The following FN1 variants were observed in gnomAD, a reference collection of about 807,000 sequenced individuals.
The protein encoded by FN1 is fibronectin.
Under a neutral mutation model 297.3 loss-of-function variants are expected in FN1, and 106 were observed. The ratio of observed to expected loss-of-function variants is 0.36; its 90% CI spans 0.30 to 0.42. The LOEUF (loss-of-function observed/expected upper bound fraction) is 0.42, where lower values mean the gene tolerates loss of function less well. Among genes scored for constraint, FN1 ranks in the 10% least tolerant of loss-of-function variants. The pLI, the probability that FN1 is intolerant of heterozygous loss-of-function variation, is 1.00. For missense variants in FN1, 2,690 were observed against 3,124.9 expected, an observed-to-expected ratio of 0.86 and a Z score of 3.32; for synonymous variants, 1,149 against 1,152.6, an observed-to-expected ratio of 1.00 and a Z score of 0.06.
At position 215,401,223 on chromosome 2, in the gene FN1, AAAGAAAGAAAGAAAGAAAGAAAGAAAGG is replaced by A. The variant is rs2061015339; in HGVS notation, c.3254-1900_3254-1873del. 1.1e-4 allele frequency among the ~76,000 whole-genome samples: 6 copies of A among 54,516 alleles called. 1 individual carries two copies. Among genetic ancestry groups the A allele is most frequent in the African/African-American group, 3.8e-4 (5 of 13,270 alleles). The allele number at this position is 54,516 out of a possible 152,430, so 35.8% of individuals were successfully genotyped here. A position where few individuals can be genotyped will look rare whatever the true frequency, so the allele number is the denominator to read the frequency against. On this transcript the variant is annotated intron_variant, in intron 20 of 45. Coordinates refer to ENST00000354785, the MANE Select transcript of FN1 (RefSeq NM_212482.4). The stretch of plus-strand genomic sequence containing the variant: ...AAAAGAAAGAAAGAAAGAAAGAAAG[AAAGAAAGAAAGAAAGAAAGAAAGAAAGG>A]AAGAAAGAAAGGAAGGAAAGGAAAG...
At chr2:215,396,364 G>A (rs1866155) in intron 23 of FN1, among the ~76,000 whole-genome samples, 87,954 of 151,942 alleles carry the variant, frequency 0.58, 25,818 homozygotes, top group East Asian at 0.89. Context: ...GCTATAGTAC[G>A]TCATGCTGTT....
intron 5 of FN1, among the ~76,000 whole-genome samples, chr2:215,429,548 G>A (rs1050981297): frequency 6.6e-6 from 1 of 152,180 alleles, no homozygotes; most frequent in African/African-American, 2.4e-5. Flanking sequence ...ATAGAAGTTT[G>A]CATGAAGGTA....
At position 215,385,248 on chromosome 2, in the gene FN1, TAAA is replaced by T. The variant is rs10542238; in HGVS notation, c.4613-275_4613-273del. On this transcript the variant is annotated intron_variant, in intron 28 of 45. Coordinates refer to ENST00000354785, the MANE Select transcript of FN1 (RefSeq NM_212482.4). ...AAAAATTTCAAAACTACAGAAAAGT[TAAA>T]AAAAAAAAAAAAAAAAAAAGTGATA... Among the ~76,000 whole-genome samples, 1,475 of 128,076 alleles carry T rather than the reference TAAA, an allele frequency of 0.012. 14 individuals are homozygous for T. The highest frequency in any genetic ancestry group is 0.028 in the African/African-American group (941 of 33,654). The allele number at this position is 128,076 out of a possible 152,430, so 84.0% of individuals were successfully genotyped here.
Position 215,361,400 on chromosome 2 carries a change from A to AG in FN1, c.*154dup, listed in dbSNP as rs980814372. ...AGGAAACTCCCAGGGTGATGCTTGG[A>AG]GAAGCTGTGAGTTGAGCTGAAGCTG... On this transcript the variant is annotated 3_prime_UTR_variant, in exon 46 of 46. Transcript: ENST00000354785. 6.7e-6 allele frequency: 5 copies of AG among 744,328 alleles called. No individual in the cohort carries two copies. The highest frequency in any genetic ancestry group is 1.2e-5 in the Non-Finnish European group (5 of 402,230). 46.1% of individuals were successfully genotyped at this position (744,328 alleles called of 1,614,324 possible).
chr2:215,401,298 G>GAA (rs1184501466), intron 20 of FN1, among the ~76,000 whole-genome samples: 1 of 139,788 alleles, frequency 7.2e-6, no homozygotes, highest in Non-Finnish European at 1.6e-5. Context: ...AAGAGAGAGA[G>GAA]AGAAAGGAAG....
intron 6 of FN1, among the ~76,000 whole-genome samples, chr2:215,426,920 G>C (rs895211346): frequency 3.3e-5 from 5 of 151,556 alleles, no homozygotes; most frequent in African/African-American, 1.2e-4. Flanking sequence ...GTATCACCCA[G>C]GCTGGAGTGC....
chr2:215,419,839 C>A (rs548988330), intron 11 of FN1, among the ~76,000 whole-genome samples: 5 of 152,318 alleles, frequency 3.3e-5, no homozygotes, highest in African/African-American at 1.2e-4. Context: ...AGTATACCTG[C>A]TGAGCAGCTT....
intron 5 of FN1, among the ~76,000 whole-genome samples, chr2:215,430,290 C>T (rs55957506): frequency 0.014 from 2,146 of 152,270 alleles, 42 homozygotes; most frequent in African/African-American, 0.049. Context: ...GCAGTAAAGA[C>T]ACCAGAGGCC....
At chr2:215,384,209 A>G (rs1254883047) in intron 29 of FN1, 25 bp from the exon 30 acceptor site, 2 of 1,613,186 alleles carry the variant, frequency 1.2e-6, no homozygotes, top group East Asian at 2.2e-5. Flanking sequence ...GTTAGTTCAG[A>G]GTGTGAGGGG....
chr2:215,386,021 C>G (rs1470795412), intron 28 of FN1, among the ~76,000 whole-genome samples: 1 of 150,500 alleles, frequency 6.6e-6, no homozygotes, highest in Non-Finnish European at 1.5e-5. Flanking sequence ...CGTGATCCAC[C>G]CGCCTTGGCC....
At chr2:215,406,550 T>A in intron 18 of FN1, 40 bp from the exon 19 acceptor site, 1 of 1,604,828 alleles carries the variant, frequency 6.2e-7, no homozygotes, top group Non-Finnish European at 8.5e-7. Flanking sequence ...CATTCTCTGC[T>A]GAAGATTACT....
rs7575551 is a variant in FN1 at position 215,404,308 on chromosome 2, G to T, written c.3253+81C>A. ...GTACTAATTTTTTAATGTTTTTTTT[G>T]TTTTGTTTTGTTTTGTTTTAAAGCA... On this transcript the variant is annotated intron_variant, in intron 20 of 45. Transcript: ENST00000354785. The T allele has an allele frequency of 0.3, 370,019 of 1,253,792 alleles. 65,085 individuals carry two copies. The highest frequency in any genetic ancestry group is 0.92 in the East Asian group (39,553 of 43,010). The allele number at this position is 1,253,792 out of a possible 1,614,324, so 77.7% of individuals were successfully genotyped here. A position where few individuals can be genotyped will look rare whatever the true frequency, so the allele number is the denominator to read the frequency against.
chr2:215,380,631 G>T, intron 33 of FN1, 180 bp downstream of exon 33: 1 of 848,464 alleles, frequency 1.2e-6, no homozygotes, highest in Non-Finnish European at 1.9e-6. Context: ...AATCAGACTT[G>T]TTTCCTTAAA....
intron 32 of FN1, chr2:215,381,641 T>C (rs1236576420): frequency 1.9e-5 from 4 of 206,248 alleles, no homozygotes; most frequent in Non-Finnish European, 3.0e-5. Context: ...GACTGGCTAA[T>C]TTTTGTATTT....
In FN1 at chr2:215,428,180, C is replaced by G; in HGVS notation, c.844G>C (p.Gly282Arg). 4 of 1,613,996 alleles carry G rather than the reference C, an allele frequency of 2.5e-6. No homozygotes were observed. The highest frequency in any genetic ancestry group is 3.4e-6 in the Non-Finnish European group (4 of 1,180,038). The change falls in exon 6 of 46, where the codon GGA becomes CGA. Residue 282 changes from glycine (G) to arginine (R), a missense_variant and splice_region_variant. Physicochemically the swap from Gly to Arg is moderately radical, Grantham distance 125. Coordinates refer to ENST00000354785, the MANE Select transcript of FN1 (RefSeq NM_212482.4). Reference protein sequence around the residue: ...RHTSVQTTSSGSGPFTDVRAA... With the variant: ...RHTSVQTTSSRSGPFTDVRAA... ...CGCCCCTGCTCGTCCTGTGCCTCACCGCTCGATGTGGTCTGCACAGAGGTG... is the reference window on the plus strand; with the variant it reads ...CGCCCCTGCTCGTCCTGTGCCTCACGGCTCGATGTGGTCTGCACAGAGGTG...
intron 41 of FN1, among the ~76,000 whole-genome samples, chr2:215,369,921 A>G (rs2055496366): frequency 6.6e-6 from 1 of 152,212 alleles, no homozygotes; most frequent in Non-Finnish European, 1.5e-5. Context: ...TCAAGAGGAC[A>G]GCAGCATGGT....
rs1420438365 is a variant in FN1 at position 215,393,192 on chromosome 2, G to A, written c.3808C>T (p.Leu1270Phe). The A allele has an allele frequency of 1.2e-6, 2 of 1,613,748 alleles. No individual in the cohort carries two copies. Among genetic ancestry groups the A allele is most frequent in the Non-Finnish European group, 1.7e-6 (2 of 1,179,890 alleles). ...SDTIIPEVPQ[L>F]TDLSFVDITD... is the part of the protein sequence containing the mutation. ...ATATCAACAAAGCTTAGGTCAGTGA[G>A]TTGGGGCACCTCTATTGAGTTACAA... Residue 1270 changes from leucine (L) to phenylalanine (F), a missense_variant, in exon 25 of 46, where the codon CTC becomes TTC. This residue lies in a region of FN1 where 1,743 missense variants were observed against 1,945.2 expected (regional missense o/e 0.90). Transcript: ENST00000354785.
intron 30 of FN1, 81 bp from the exon 31 acceptor site, chr2:215,383,564 G>A (rs2058497660): frequency 1.4e-6 from 2 of 1,402,160 alleles, no homozygotes; most frequent in Non-Finnish European, 1.0e-6. Context: ...TCTAGGTCTG[G>A]TACATATTCG....
rs766594997 is a variant in FN1 at position 215,410,098 on chromosome 2, C to T, written c.1958G>A (p.Arg653His). The change falls in exon 14 of 46, where the codon CGT (arginine) becomes CAT (histidine). Residue 653 changes from arginine (R) to histidine (H), a missense_variant. Arg to His is a conservative substitution (Grantham distance 29). Coordinates refer to ENST00000354785, the MANE Select transcript of FN1 (RefSeq NM_212482.4). ...GCCTGGTATGGTAGCTTCCTTCCAACGGCCTACAGAATTTTTCTGAAAATT... is the reference window on the plus strand; with the variant it reads ...GCCTGGTATGGTAGCTTCCTTCCAATGGCCTACAGAATTTTTCTGAAAATT... ...LRWRPKNSVG[R>H]WKEATIPGHL... 6.8e-5 allele frequency: 110 copies of T among 1,611,036 alleles called. No individual in the cohort carries two copies. Among genetic ancestry groups the T allele is most frequent in the Non-Finnish European group, 8.5e-5 (100 of 1,178,998 alleles).
Sources: gnomAD v4.1 joint callset for allele counts (sites outside exome capture counted in the v4.1 genomes callset) on GRCh38, gnomAD v4.1.1 for gene constraint, gnomAD v4.1.1 regional missense constraint, MANE v1.5 for transcripts, NCBI Gene and HGNC (gene_info 2026-07-23, HGNC 2026-07-21) for gene names.